Variants in MTAP observed in about 807,000 individuals in gnomAD.
MTAP encodes methylthioadenosine phosphorylase, also known as S-methyl-5'-thioadenosine phosphorylase.
MTAP carries 33 observed loss-of-function variants against 33.6 expected under a neutral mutation model. The observed-to-expected ratio is 0.98, with a 90% CI of 0.74 to 1.31. The LOEUF is 1.31. Ranked by LOEUF, MTAP falls within the 40% of genes most tolerant of loss-of-function variation. The probability of loss-of-function intolerance (pLI) is 0.00; values close to 1 mark genes in which losing one functional copy is unlikely to be tolerated. For synonymous variants in MTAP, 148 were observed against 125.7 expected (o/e 1.18, Z -1.19); for missense variants, 367 against 360.0 (o/e 1.02, Z -0.16).
chr9:21,917,500 G>A (rs950387716), intron 1 of MTAP, among the ~76,000 whole-genome samples: 7 of 152,176 alleles, frequency 4.6e-5, no homozygotes, highest in Non-Finnish European at 8.8e-5. Flanking sequence ...TGTGATGCTT[G>A]TCACTAATCA....
intron 5 of MTAP, 76 bp downstream of exon 5, chr9:21,838,086 G>A: frequency 8.0e-7 from 1 of 1,249,964 alleles, no homozygotes. Context: ...TGGTTAATTG[G>A]CAGAGCGAGT....
At chr9:21,849,206 A>C (rs1423575911) in intron 5 of MTAP, among the ~76,000 whole-genome samples, 1 of 152,158 alleles carries the variant, frequency 6.6e-6, no homozygotes, top group Non-Finnish European at 1.5e-5. Flanking sequence ...CTATATTACC[A>C]ACAATTTATG....
At chr9:21,912,915 G>T (rs1357947477) in intron 1 of MTAP, among the ~76,000 whole-genome samples, 1 of 152,194 alleles carries the variant, frequency 6.6e-6, no homozygotes, top group African/African-American at 2.4e-5. Context: ...TCGTTAAGCT[G>T]ATAAGCAACT....
At chr9:21,819,714 A>G (rs367651071) in intron 4 of MTAP, among the ~76,000 whole-genome samples, 12 of 152,354 alleles carry the variant, frequency 7.9e-5, no homozygotes, top group Middle Eastern at 3.4e-3. Flanking sequence ...AGAAATCGCC[A>G]CACTGTCTTC....
intron 1 of MTAP, among the ~76,000 whole-genome samples, chr9:21,897,782 A>G (rs956922598): frequency 2.0e-5 from 3 of 152,226 alleles, no homozygotes; most frequent in Admixed American, 6.5e-5. Flanking sequence ...GGAAGAATCA[A>G]TATCATGAAA....
chr9:21,854,261 G>A (rs1182565548), intron 5 of MTAP, among the ~76,000 whole-genome samples: 2 of 152,216 alleles, frequency 1.3e-5, no homozygotes, highest in Non-Finnish European at 1.5e-5. Flanking sequence ...CTTAGCCTGC[G>A]AGGTTAAAAG....
At chr9:21,890,428 C>G (rs112725899) in intron 1 of MTAP, among the ~76,000 whole-genome samples, 68 of 152,350 alleles carry the variant, frequency 4.5e-4, no homozygotes, top group African/African-American at 1.6e-3. Flanking sequence ...GTGCTCATAT[C>G]TGCACTTCTC....
At chr9:21,921,079 A>G (rs190374528) in intron 1 of MTAP, among the ~76,000 whole-genome samples, 1 of 152,098 alleles carries the variant, frequency 6.6e-6, no homozygotes, top group South Asian at 2.1e-4. Flanking sequence ...TGATCTCATT[A>G]CTTGTTTGTT....
At chr9:21,871,894 C>T (rs1402164344), downstream of MTAP, among the ~76,000 whole-genome samples, 1 of 152,110 alleles carries the variant, frequency 6.6e-6, no homozygotes, top group Non-Finnish European at 1.5e-5. Context: ...ATTAGGTGTT[C>T]AATAAAAACT....
At chr9:21,833,977 C>T (rs756817508) in intron 4 of MTAP, among the ~76,000 whole-genome samples, 6 of 152,164 alleles carry the variant, frequency 3.9e-5, no homozygotes, top group Non-Finnish European at 5.9e-5. Context: ...ATCATTTTGT[C>T]TCCTTTACTT....
At chr9:21,846,369 T>C (rs545338113) in intron 5 of MTAP, among the ~76,000 whole-genome samples, 4 of 149,314 alleles carry the variant, frequency 2.7e-5, no homozygotes, top group Non-Finnish European at 4.4e-5. Flanking sequence ...ATGCATTCAA[T>C]AGAGGACCAA....
chr9:21,895,169 A>G (rs565385239), intron 1 of MTAP, among the ~76,000 whole-genome samples: 56 of 152,352 alleles, frequency 3.7e-4, no homozygotes, highest in Non-Finnish European at 6.6e-4. Context: ...AGAATTAGAA[A>G]AAACCATTCT....
rs190391302 is a variant in MTAP at position 21,830,467 on chromosome 9, A to G, written c.348-7441A>G. 1.5e-3 allele frequency among the ~76,000 whole-genome samples: 226 copies of G among 152,312 alleles called. 5 individuals are homozygous for G. The Middle Eastern group carries it at 0.021, about 14-fold the overall frequency. On this transcript the variant is annotated intron_variant, in intron 4 of 7. Coordinates refer to ENST00000644715, the MANE Select transcript of MTAP (RefSeq NM_002451.4). ...GTCCCCATTGTTAGAGCCACAAGTC[A>G]TTTGGCCACTGAGGGTAAAAGATGG...
chr9:21,808,354 G>T (rs987910051), intron 1 of MTAP, among the ~76,000 whole-genome samples: 3 of 152,036 alleles, frequency 2.0e-5, no homozygotes, highest in African/African-American at 7.2e-5. Flanking sequence ...GGAGGCTGAG[G>T]TGGATAGACT....
chr9:21,851,633 T>C (rs1262481525), intron 5 of MTAP, among the ~76,000 whole-genome samples: 1 of 152,178 alleles, frequency 6.6e-6, no homozygotes, highest in African/African-American at 2.4e-5. Flanking sequence ...TGGTTAACAC[T>C]GAGTGTTAAC....
At position 21,922,938 on chromosome 9, in the gene MTAP, T is replaced by G. The variant is rs1818812738; in HGVS notation, c.148-8070T>G. Among the ~76,000 whole-genome samples the G allele has an allele frequency of 6.6e-6, 1 of 152,188 alleles. No individual in the cohort carries two copies. Among genetic ancestry groups the G allele is most frequent in the Admixed American group, 6.5e-5 (1 of 15,280 alleles). ...AATGTCTGCAATTTCCTCTGCTTTT[T>G]CAAATACAATTGTCTTTTTCCCCAA... On this transcript the variant is annotated intron_variant, in intron 1 of 1. Coordinates refer to the MTAP transcript ENST00000577563. This position sits in a 1 kb window ranked among gnomAD's most constrained non-coding sequence, Gnocchi z 4.8.
intron 5 of MTAP, among the ~76,000 whole-genome samples, chr9:21,839,404 AT>A (rs1825189380): frequency 6.6e-6 from 1 of 152,196 alleles, no homozygotes; most frequent in Non-Finnish European, 1.5e-5. Flanking sequence ...GAGAATATGC[AT>A]GCTCGTATGA....
At chr9:21,820,439 G>C (rs963226697) in intron 4 of MTAP, among the ~76,000 whole-genome samples, 1 of 152,160 alleles carries the variant, frequency 6.6e-6, no homozygotes, top group African/African-American at 2.4e-5. Flanking sequence ...GTTTGTCACA[G>C]ATCAGATGCT....
chr9:21,844,765 T>G (rs7389722), intron 5 of MTAP, among the ~76,000 whole-genome samples: 1 of 152,214 alleles, frequency 6.6e-6, no homozygotes, highest in Non-Finnish European at 1.5e-5. Flanking sequence ...CTGGGCACGG[T>G]GGCTCACACC....
Sources: allele counts gnomAD v4.1 joint callset (sites outside exome capture counted in the v4.1 genomes callset), GRCh38; gene constraint gnomAD v4.1.1; non-coding constraint Gnocchi (gnomAD v3.1); transcripts MANE v1.5; gene names NCBI Gene and HGNC (gene_info 2026-07-23, HGNC 2026-07-21).